The following ITGA8 variants were observed in gnomAD, a reference collection of about 807,000 sequenced individuals.
ITGA8 encodes integrin alpha-8.
Under a neutral mutation model 142.3 loss-of-function variants are expected in ITGA8, and 91 were observed. The observed-to-expected ratio is 0.64, with a 90% confidence interval of 0.54 to 0.76. ITGA8 has a LOEUF of 0.76. Ranked by LOEUF, ITGA8 falls within the 30% of genes least tolerant of loss-of-function variation. The pLI is 0.00. For missense variants in ITGA8, 1,406 were observed against 1,327.7 expected, an observed-to-expected ratio of 1.06 and a Z score of -0.92; for synonymous variants, 505 against 485.2, an observed-to-expected ratio of 1.04 and a Z score of -0.54.
intron 29 of ITGA8, 38 bp downstream of exon 29, chr10:15,519,252 C>G (rs754399558): frequency 6.2e-7 from 1 of 1,609,824 alleles, no homozygotes; most frequent in East Asian, 2.2e-5. Context: ...CTCAACAGCC[C>G]CTCTAGTTTA....
chr10:15,684,909 T>A (rs1315513207), intron 3 of ITGA8, among the ~76,000 whole-genome samples: 3 of 152,210 alleles, frequency 2.0e-5, no homozygotes, highest in Admixed American at 2.0e-4. Flanking sequence ...AGTAAACCTC[T>A]GTTTTGTGAC....
chr10:15,554,625 CTATT>C (rs1197730911), intron 26 of ITGA8, among the ~76,000 whole-genome samples: 4 of 152,140 alleles, frequency 2.6e-5, no homozygotes, highest in Admixed American at 6.5e-5. Flanking sequence ...GAGTAGAAGA[CTATT>C]TATACCCAGT....
In ITGA8 at chr10:15,659,072, T is replaced by A. The variant is rs369266657; in HGVS notation, c.892-17A>T. The stretch of plus-strand genomic sequence containing the variant: ...GATGGAAACCTGAAATCACAGAAAT[T>A]AAACAGGTTACACCATTTGCCATAG... On this transcript the variant is annotated splice_polypyrimidine_tract_variant and intron_variant, in intron 9 of 29. Transcript: ENST00000378076. 21 of 1,586,184 alleles carry A rather than the reference T, an allele frequency of 1.3e-5. No homozygotes were observed. The African/African-American group carries it at 2.6e-4, about 19-fold the overall frequency.
chr10:15,621,433 G>A (rs1378566627), intron 13 of ITGA8, among the ~76,000 whole-genome samples: 1 of 152,132 alleles, frequency 6.6e-6, no homozygotes, highest in African/African-American at 2.4e-5. Flanking sequence ...TTACACCTAT[G>A]TTTTGTATTT....
At chr10:15,582,539 T>G (rs1273086784) in intron 23 of ITGA8, among the ~76,000 whole-genome samples, 1 of 152,176 alleles carries the variant, frequency 6.6e-6, no homozygotes, top group Non-Finnish European at 1.5e-5. Context: ...ATTTGGTAAA[T>G]GGCTTTGTAT....
At chr10:15,621,356 T>C (rs951968433) in intron 13 of ITGA8, among the ~76,000 whole-genome samples, 13 of 152,032 alleles carry the variant, frequency 8.6e-5, no homozygotes, top group Admixed American at 1.3e-4. Context: ...AAGGGGACAT[T>C]GGCATGAATG....
In ITGA8 at chr10:15,519,348, A is replaced by T. The variant is rs1833014731; in HGVS notation, c.3047T>A (p.Ile1016Lys). 6.2e-7 allele frequency: 1 copy of T among 1,613,536 alleles called. No homozygotes were observed. The highest frequency in any genetic ancestry group is 1.7e-5 in the Admixed American group (1 of 59,994). The part of the protein sequence containing the change: ...VSFSIPLWVI[I>K]LAILLGLLVL... ...CAACAATCCAAGAAGTATTGCTAGT[A>T]TTATTACCCATAATGGGATTGAGAA... is the stretch of plus-strand genomic sequence containing the variant. Residue 1016 changes from isoleucine (I) to lysine (K), a missense_variant, in exon 29 of 30, where the codon ATA (isoleucine) becomes AAA (lysine). Ile to Lys is a moderately radical substitution (Grantham distance 102). Coordinates refer to ENST00000378076, the MANE Select transcript of ITGA8 (RefSeq NM_003638.3).
intron 2 of ITGA8, among the ~76,000 whole-genome samples, chr10:15,713,017 T>C (rs2131740353): frequency 6.6e-6 from 1 of 152,342 alleles, no homozygotes; most frequent in South Asian, 2.1e-4. Context: ...CAGATCTGTT[T>C]CCCATTTCTA....
Position 15,604,602 on chromosome 10 carries a change from G to C in ITGA8, c.1971-247C>G, listed in dbSNP as rs541171537. Among the ~76,000 whole-genome samples, 4 of 143,318 alleles carry C rather than the reference G, an allele frequency of 2.8e-5. No homozygotes were observed. The East Asian group carries it at 8.2e-4, about 29-fold the overall frequency. The allele number at this position is 143,318 out of a possible 152,430, so 94.0% of individuals were successfully genotyped here. A position where few individuals can be genotyped will look rare whatever the true frequency, so the allele number is the denominator to read the frequency against. ...TCAAAAAAAAAAAAAAAAAAAAAAG[G>C]ATTGATTTATAGCATTTTCAGATTC... On this transcript the variant is annotated intron_variant, in intron 19 of 29. Transcript: ENST00000378076.
intron 27 of ITGA8, among the ~76,000 whole-genome samples, chr10:15,547,186 A>G (rs967635200): frequency 1.3e-5 from 2 of 152,176 alleles, no homozygotes; most frequent in Non-Finnish European, 2.9e-5. Context: ...TCCCCAAACA[A>G]TAAGGTTGTA....
At chr10:15,629,556 C>G (rs1267107607) in intron 13 of ITGA8, among the ~76,000 whole-genome samples, 1 of 152,036 alleles carries the variant, frequency 6.6e-6, no homozygotes, top group Non-Finnish European at 1.5e-5. Flanking sequence ...GATTATTTTT[C>G]CCTACCCTCC....
At chr10:15,605,621 T>G (rs1321836002) in intron 19 of ITGA8, 103 bp downstream of exon 19, 4 of 922,864 alleles carry the variant, frequency 4.3e-6, no homozygotes, top group South Asian at 1.5e-5. Flanking sequence ...CGCAGCATAG[T>G]TTTTGGTAGT....
chr10:15,673,557 G>A (rs908666297), intron 6 of ITGA8, among the ~76,000 whole-genome samples: 2 of 152,082 alleles, frequency 1.3e-5, no homozygotes, highest in African/African-American at 4.8e-5. Flanking sequence ...ATTTCCTTTG[G>A]TATTCTAATA....
At position 15,672,689 on chromosome 10, in the gene ITGA8, A is replaced by C. The variant is rs776605297; in HGVS notation, c.737T>G (p.Leu246Arg). 1.2e-6 allele frequency: 2 copies of C among 1,613,888 alleles called. No homozygotes were observed. Among genetic ancestry groups the C allele is most frequent in the Admixed American group, 1.7e-5 (1 of 59,982 alleles). The stretch of plus-strand genomic sequence containing the variant: ...CTGCTTTTCTCCTGCCAGTTTCCTG[A>C]GGATATCCTTGAATGAGTAATTTGC... Reference protein sequence around the residue: ...IIANYSFKDILRKLAGEKQTE... With the variant: ...IIANYSFKDIRRKLAGEKQTE... Residue 246 changes from leucine to arginine, a missense_variant, in exon 7 of 30, where the codon CTC (leucine) becomes CGC (arginine). Coordinates refer to ENST00000378076, the MANE Select transcript of ITGA8 (RefSeq NM_003638.3).
At chr10:15,709,378 A>G (rs1032652113) in intron 2 of ITGA8, among the ~76,000 whole-genome samples, 3 of 152,208 alleles carry the variant, frequency 2.0e-5, no homozygotes, top group Non-Finnish European at 4.4e-5. Context: ...ACATTTATAA[A>G]CCTTACTTGG....
At chr10:15,677,860 A>T (rs770887746) in intron 5 of ITGA8, among the ~76,000 whole-genome samples, 1 of 152,092 alleles carries the variant, frequency 6.6e-6, no homozygotes, top group Non-Finnish European at 1.5e-5. Context: ...ATTTGACTCA[A>T]TTAGGTAAGT....
chr10:15,637,906 TA>T (rs902357904), intron 13 of ITGA8, among the ~76,000 whole-genome samples: 52 of 152,036 alleles, frequency 3.4e-4, no homozygotes, highest in African/African-American at 1.2e-3. Flanking sequence ...ATAGTACATA[TA>T]AAAAATACAT....
chr10:15,578,557 C>A (rs1834341267), intron 23 of ITGA8, among the ~76,000 whole-genome samples: 1 of 152,088 alleles, frequency 6.6e-6, no homozygotes, highest in South Asian at 2.1e-4. Context: ...AGTATATACG[C>A]AATCAGGAAA....
chr10:15,716,505 C>G (rs893041351), intron 2 of ITGA8, among the ~76,000 whole-genome samples: 3 of 152,226 alleles, frequency 2.0e-5, no homozygotes, highest in East Asian at 1.9e-4. Flanking sequence ...TTGTCCCCTA[C>G]TGTTTTACTG....
Sources: allele counts gnomAD v4.1 joint callset (sites outside exome capture counted in the v4.1 genomes callset), GRCh38; gene constraint gnomAD v4.1.1; transcripts MANE v1.5; gene names NCBI Gene and HGNC (gene_info 2026-07-23, HGNC 2026-07-21).